Variants in MYO3B observed in about 807,000 individuals in gnomAD.
The protein encoded by MYO3B is myosin-IIIb.
In MYO3B, 156 loss-of-function variants were observed where a neutral mutation model predicts 174.6. The ratio of observed to expected loss-of-function variants is 0.89; its 90% confidence interval spans 0.78 to 1.02. The LOEUF is 1.02. Ranked by LOEUF, MYO3B falls within the 50% of genes least tolerant of loss-of-function variation. The probability of loss-of-function intolerance (pLI) is 0.00; values close to 1 mark genes in which losing one functional copy is unlikely to be tolerated. For missense variants in MYO3B, 1,632 were observed against 1,639.4 expected (o/e 1.00, Z 0.08); for synonymous variants, 563 against 569.1 (o/e 0.99, Z 0.15).
At chr2:170,391,121 C>T (rs1445614120) in intron 14 of MYO3B, among the ~76,000 whole-genome samples, 1 of 152,072 alleles carries the variant, frequency 6.6e-6, no homozygotes, top group East Asian at 1.9e-4. Flanking sequence ...GTGAGACTTG[C>T]AGGCCACTTC....
chr2:170,628,850 AT>A (rs1302134937), intron 32 of MYO3B, among the ~76,000 whole-genome samples: 6 of 152,178 alleles, frequency 3.9e-5, no homozygotes, highest in Admixed American at 1.3e-4. Context: ...TTACCAAACA[AT>A]TTTTTTTAAA....
In MYO3B at chr2:170,199,292, T is replaced by C. The variant is rs376607004; in HGVS notation, c.87T>C (p.Ile29=). 1.5e-5 allele frequency: 24 copies of C among 1,613,444 alleles called. No individual in the cohort carries two copies. In the African/African-American group the frequency reaches 3.2e-4, roughly 22 times the overall value. The change falls in exon 2 of 35, where the codon ATT becomes ATC. Residue 29 remains isoleucine, a synonymous_variant. Coordinates refer to ENST00000408978, the MANE Select transcript of MYO3B (RefSeq NM_138995.5). ...SLPDPTDTWE[I]IETIGKGTYG... is the part of the protein sequence containing the mutation. ...CAGATCCCACAGACACCTGGGAAAT[T>C]ATAGAGACCATTGGTAAAGGCACCT...
intron 33 of MYO3B, 86 bp from the exon 34 acceptor site, chr2:170,652,022 C>T (rs1049180992): frequency 7.2e-7 from 1 of 1,394,180 alleles, no homozygotes. Context: ...TCAGCATCTG[C>T]TTGCATTCAA....
chr2:170,480,041 G>GTGTATA (rs146738869), intron 25 of MYO3B, among the ~76,000 whole-genome samples: 8 of 146,346 alleles, frequency 5.5e-5, no homozygotes, highest in Admixed American at 1.4e-4. Context: ...GTGTGTGTGT[G>GTGTATA]TATATATATA....
At chr2:170,304,589 C>A (rs972276212) in intron 7 of MYO3B, among the ~76,000 whole-genome samples, 11 of 151,548 alleles carry the variant, frequency 7.3e-5, no homozygotes, top group Admixed American at 7.2e-4. Context: ...CTCAGCCTCC[C>A]GAGTAGCTGG....
At chr2:170,413,912 C>T (rs1417406519) in intron 22 of MYO3B, among the ~76,000 whole-genome samples, 4 of 151,588 alleles carry the variant, frequency 2.6e-5, no homozygotes, top group South Asian at 2.1e-4. Flanking sequence ...TGGTGGTGGG[C>T]GCCTGTAGTC....
intron 32 of MYO3B, among the ~76,000 whole-genome samples, chr2:170,630,265 G>A (rs1696837798): frequency 1.3e-5 from 2 of 152,190 alleles, no homozygotes; most frequent in Admixed American, 1.3e-4. Flanking sequence ...TCCTGCACTT[G>A]GCGCAGTGGG....
intron 5 of MYO3B, among the ~76,000 whole-genome samples, chr2:170,215,143 C>T (rs1559305856): frequency 6.6e-6 from 1 of 152,232 alleles, no homozygotes; most frequent in Non-Finnish European, 1.5e-5. Context: ...CTATAATTTA[C>T]ATTTTGTCAT....
At chr2:170,489,494 CCTT>C (rs1686293557) in intron 25 of MYO3B, among the ~76,000 whole-genome samples, 1 of 152,156 alleles carries the variant, frequency 6.6e-6, no homozygotes, top group African/African-American at 2.4e-5. Context: ...CTAAAAACAA[CCTT>C]CTACCATTTA....
rs535869880 is a variant in MYO3B at position 170,378,460 on chromosome 2, C to G, written c.972-3556C>G. Among the ~76,000 whole-genome samples, 4 of 152,328 alleles carry G rather than the reference C, an allele frequency of 2.6e-5. No individual in the cohort carries two copies. In the South Asian group the frequency reaches 8.3e-4, roughly 32 times the overall value. ...TCTAAAGAATTTGATCACCTGTAAG[C>G]ATGGAAAGAGGCCACACATTGCTAC... On this transcript the variant is annotated intron_variant, in intron 9 of 34. Coordinates refer to ENST00000408978, the MANE Select transcript of MYO3B (RefSeq NM_138995.5).
intron 22 of MYO3B, among the ~76,000 whole-genome samples, chr2:170,438,208 C>T (rs2094770358): frequency 6.6e-6 from 1 of 152,140 alleles, no homozygotes; most frequent in South Asian, 2.1e-4. Context: ...GCTTATTTCA[C>T]TTAGCCTAAC....
chr2:170,289,894 T>A (rs558362757), intron 7 of MYO3B, among the ~76,000 whole-genome samples: 9 of 152,266 alleles, frequency 5.9e-5, no homozygotes, highest in African/African-American at 2.2e-4. Context: ...GGGTATGATG[T>A]ATTTCCATTT....
chr2:170,585,628 C>T (rs1693453737), intron 32 of MYO3B, among the ~76,000 whole-genome samples: 2 of 152,100 alleles, frequency 1.3e-5, no homozygotes, highest in South Asian at 2.1e-4. Context: ...TTAGGGGTAC[C>T]GTTTGTGGGC....
chr2:170,642,894 C>T (rs1375419708), intron 32 of MYO3B, among the ~76,000 whole-genome samples: 4 of 152,128 alleles, frequency 2.6e-5, no homozygotes, highest in African/African-American at 9.7e-5. Context: ...GATTACAATA[C>T]ATTTCTTCAT....
intron 8 of MYO3B, among the ~76,000 whole-genome samples, chr2:170,366,559 T>G (rs1474023204): frequency 6.6e-6 from 1 of 152,164 alleles, no homozygotes; most frequent in Non-Finnish European, 1.5e-5. Flanking sequence ...TCCCAAAGTG[T>G]TGGGATTATG....
chr2:170,351,669 TCCTCAC>T (rs1343291238), intron 8 of MYO3B, among the ~76,000 whole-genome samples: 15 of 152,034 alleles, frequency 9.9e-5, no homozygotes, highest in African/African-American at 3.6e-4. Context: ...ATCCTCTTCC[TCCTCAC>T]CCTTTCAGTG....
chr2:170,634,550 T>G (rs1404723484), intron 32 of MYO3B, among the ~76,000 whole-genome samples: 1 of 152,182 alleles, frequency 6.6e-6, no homozygotes, highest in Non-Finnish European at 1.5e-5. Context: ...ATTCAGGACA[T>G]AGGCATGGGC....
At chr2:170,467,514 T>C (rs1684716854) in intron 25 of MYO3B, among the ~76,000 whole-genome samples, 1 of 135,856 alleles carries the variant, frequency 7.4e-6, no homozygotes, top group Non-Finnish European at 1.6e-5. Context: ...TGTGAAGAAA[T>C]AAGGAAAACA....
intron 6 of MYO3B, among the ~76,000 whole-genome samples, chr2:170,233,938 G>A (rs1185165259): frequency 6.6e-6 from 1 of 151,966 alleles, no homozygotes; most frequent in East Asian, 1.9e-4. Flanking sequence ...TTGGGAGGCC[G>A]AGGCGGGTGG....
Sources: allele counts gnomAD v4.1 joint callset (sites outside exome capture counted in the v4.1 genomes callset), GRCh38; gene constraint gnomAD v4.1.1; transcripts MANE v1.5; gene names NCBI Gene and HGNC (gene_info 2026-07-23, HGNC 2026-07-21).